Variants in CFAP97 observed in about 807,000 individuals in gnomAD.
CFAP97 encodes the protein cilia and flagella associated protein 97, also known as cilia- and flagella-associated protein 97.
Under a neutral mutation model 43.1 loss-of-function variants are expected in CFAP97, and 36 were observed. That is an observed-to-expected ratio of 0.84 (90% confidence interval 0.64 to 1.10). CFAP97 has a LOEUF of 1.10. Among genes scored for constraint, CFAP97 ranks in the 50% least tolerant of loss-of-function variants. The pLI, the probability that CFAP97 is intolerant of heterozygous loss-of-function variation, is 0.00. For missense variants in CFAP97, 657 were observed against 620.3 expected (o/e 1.06, Z -0.63); for synonymous variants, 228 against 225.7 (o/e 1.01, Z -0.09).
At position 185,202,947 on chromosome 4, in the gene CFAP97, TA is replaced by T. The variant is rs1350405601; in HGVS notation, c.-17+950del. Among the ~76,000 whole-genome samples the T allele has an allele frequency of 2.6e-5, 4 of 152,200 alleles. No homozygotes were observed. The East Asian group carries it at 7.7e-4, about 29-fold the overall frequency. On this transcript the variant is annotated intron_variant, in intron 1 of 4. Transcript: ENST00000458385. ...CCAGAGAATAAGAAAAATGACTTAA[TA>T]AAGTAGTTAAGATTCTCTTTACAAC...
At chr4:185,177,622 G>C (rs1012090953) in intron 2 of CFAP97, among the ~76,000 whole-genome samples, 1 of 152,102 alleles carries the variant, frequency 6.6e-6, no homozygotes, top group African/African-American at 2.4e-5. Context: ...ATCACCTGAG[G>C]TCAGGAGTTC....
chr4:185,200,430 A>G (rs1232454720), intron 1 of CFAP97, among the ~76,000 whole-genome samples: 1 of 152,202 alleles, frequency 6.6e-6, no homozygotes, highest in Non-Finnish European at 1.5e-5. Context: ...ACTTGAGGAC[A>G]GTAGTTCGAG....
intron 2 of CFAP97, among the ~76,000 whole-genome samples, chr4:185,189,515 TG>T (rs1367967338): frequency 2.6e-5 from 4 of 152,212 alleles, no homozygotes; most frequent in Admixed American, 6.5e-5. Flanking sequence ...TTATTTGAAC[TG>T]GAAAATTGTT....
chr4:185,192,197 G>A (rs562165268), intron 1 of CFAP97, among the ~76,000 whole-genome samples: 1 of 152,128 alleles, frequency 6.6e-6, no homozygotes, highest in East Asian at 1.9e-4. Context: ...ACACATACAG[G>A]CTGCACAGGT....
chr4:185,181,270 AAAAT>A (rs1377343336), intron 2 of CFAP97, among the ~76,000 whole-genome samples: 16 of 112,044 alleles, frequency 1.4e-4, no homozygotes, highest in African/African-American at 6.1e-4. Flanking sequence ...AAAAAAAATA[AAAAT>A]AAAAAAAAAT....
At chr4:185,175,550 A>G (rs1452520534) in intron 3 of CFAP97, among the ~76,000 whole-genome samples, 1 of 152,190 alleles carries the variant, frequency 6.6e-6, no homozygotes, top group Non-Finnish European at 1.5e-5. Flanking sequence ...TGCTAGAATT[A>G]TATGCGTGAC....
rs150337069 is a variant in CFAP97 at position 185,179,577 on chromosome 4, C to T, written c.1055-3526G>A. ...ACCCTATGGCTGAGACGTGAGGAAG[C>T]CAGGCCACATGGAGAACCCCACATG... On this transcript the variant is annotated intron_variant, in intron 2 of 4. Coordinates refer to ENST00000458385, the MANE Select transcript of CFAP97 (RefSeq NM_020827.3). Among the ~76,000 whole-genome samples, 195 of 152,254 alleles carry T rather than the reference C, an allele frequency of 1.3e-3. 3 individuals carry two copies. In the East Asian group the frequency reaches 0.031, roughly 25 times the overall value.
At chr4:185,180,167 AT>A (rs959125750) in intron 2 of CFAP97, among the ~76,000 whole-genome samples, 26 of 151,806 alleles carry the variant, frequency 1.7e-4, no homozygotes, top group African/African-American at 6.0e-4. Context: ...AATGTTGTTT[AT>A]TTTTTTCCCA....
chr4:185,192,620 GTTTT>G (rs56979147), intron 1 of CFAP97, among the ~76,000 whole-genome samples: 69 of 150,974 alleles, frequency 4.6e-4, no homozygotes, highest in African/African-American at 1.6e-3. Flanking sequence ...TTAAAAAATG[GTTTT>G]TTTTATCTGT....
Position 185,159,997 on chromosome 4 carries a change from C to T in CFAP97, c.*2801G>A, listed in dbSNP as rs1265484606. 6.6e-6 allele frequency: 1 copy of T among 152,216 alleles called. No individual in the cohort carries two copies. The highest frequency in any genetic ancestry group is 1.5e-5 in the Non-Finnish European group (1 of 68,042). The allele number at this position is 152,216 out of a possible 1,614,324, so 9.4% of individuals were successfully genotyped here. A position where few individuals can be genotyped will look rare whatever the true frequency, so the allele number is the denominator to read the frequency against. The stretch of plus-strand genomic sequence containing the variant: ...TTGAAGAATCTGAAGATGACAGGCA[C>T]AGCCGTCACTTACCCATGACCGTCA... On this transcript the variant is annotated 3_prime_UTR_variant, in exon 5 of 5. Transcript: ENST00000458385.
intron 3 of CFAP97, among the ~76,000 whole-genome samples, chr4:185,172,524 T>C (rs1163394529): frequency 6.6e-6 from 1 of 152,190 alleles, no homozygotes; most frequent in Non-Finnish European, 1.5e-5. Context: ...GCTTTAGTTA[T>C]CATGTCTGTT....
At chr4:185,192,418 A>G (rs1447146335) in intron 1 of CFAP97, among the ~76,000 whole-genome samples, 4 of 152,218 alleles carry the variant, frequency 2.6e-5, no homozygotes, top group Non-Finnish European at 5.9e-5. Flanking sequence ...TAAAATGTTC[A>G]AAGTAGTTGC....
rs180816041 is a variant in CFAP97, at chr4:185,177,139, C to T, written c.1055-1088G>A. Among the ~76,000 whole-genome samples the T allele has an allele frequency of 1.8e-4, 27 of 152,216 alleles. 1 individual carries two copies. Among genetic ancestry groups the T allele is most frequent in the Admixed American group, 3.9e-4 (6 of 15,256 alleles). On this transcript the variant is annotated intron_variant, in intron 2 of 4. Coordinates refer to ENST00000458385, the MANE Select transcript of CFAP97 (RefSeq NM_020827.3). ...TAAAAAGGGACACACTGAGGCCAGG[C>T]GCGGTGGCTCAGCCTGTAATCCCAG... is the stretch of plus-strand genomic sequence containing the variant.
At chr4:185,181,424 C>A (rs555278313) in intron 2 of CFAP97, among the ~76,000 whole-genome samples, 45 of 143,468 alleles carry the variant, frequency 3.1e-4, no homozygotes, top group African/African-American at 1.1e-3. Context: ...TTCCCAGGTT[C>A]AAGCCATTCT....
intron 4 of CFAP97, 66 bp downstream of exon 4, chr4:185,163,963 G>A (rs1201566964): frequency 3.5e-6 from 5 of 1,424,742 alleles, no homozygotes; most frequent in Non-Finnish European, 4.9e-6. Context: ...ATAATAACAT[G>A]TTACGTTTTT....
At chr4:185,204,279 T>G (rs1737087655), upstream of CFAP97, 1 of 152,198 alleles carries the variant, frequency 6.6e-6, no homozygotes, top group Non-Finnish European at 1.5e-5. Flanking sequence ...GCCCCGTTGT[T>G]CTCGTGCGTT....
At chr4:185,194,880 T>C (rs1352804200) in intron 1 of CFAP97, among the ~76,000 whole-genome samples, 3 of 152,146 alleles carry the variant, frequency 2.0e-5, no homozygotes, top group Admixed American at 6.5e-5. Flanking sequence ...GTTACCATAA[T>C]AGTGTTTGTG....
Position 185,191,007 on chromosome 4 carries a change from G to C in CFAP97, c.190C>G (p.Leu64Val), listed in dbSNP as rs1212979822. The C allele has an allele frequency of 6.2e-7, 1 of 1,613,474 alleles. No homozygotes were observed. The highest frequency in any genetic ancestry group is 1.1e-5 in the South Asian group (1 of 91,008). ...NTGMQTTENYLTEKGNERNVK... is the reference protein window; with the variant it reads ...NTGMQTTENYVTEKGNERNVK... The stretch of plus-strand genomic sequence containing the variant: ...TTTCTTTCATTTCCCTTCTCAGTAA[G>C]ATAATTTTCTGTTGTTTGCATTCCA... Residue 64 changes from leucine (L) to valine (V), a missense_variant, in exon 2 of 5, where the codon CTT becomes GTT. Leu to Val is a conservative substitution (Grantham distance 32). Coordinates refer to ENST00000458385, the MANE Select transcript of CFAP97 (RefSeq NM_020827.3).
intron 3 of CFAP97, chr4:185,170,389 G>A (rs982997388): frequency 4.5e-6 from 2 of 440,784 alleles, no homozygotes; most frequent in Non-Finnish European, 8.0e-6. Context: ...AGCAGACAAA[G>A]CACAGAAGAG....
Sources: gnomAD v4.1 joint callset for allele counts (sites outside exome capture counted in the v4.1 genomes callset) on GRCh38, gnomAD v4.1.1 for gene constraint, MANE v1.5 for transcripts, NCBI Gene and HGNC (gene_info 2026-07-23, HGNC 2026-07-21) for gene names.